The following WDR82 variants were observed in gnomAD, a reference collection of about 807,000 sequenced individuals.
WDR82 encodes the protein WD repeat-containing protein 82.
WDR82 carries 8 observed loss-of-function variants against 36.1 expected under a neutral mutation model. That is an observed-to-expected ratio of 0.22 (90% CI 0.13 to 0.40). The LOEUF is 0.40. Ranked by LOEUF, WDR82 falls within the 10% of genes least tolerant of loss-of-function variation. The pLI, the probability that WDR82 is intolerant of heterozygous loss-of-function variation, is 1.00. For missense variants in WDR82, 185 were observed against 400.5 expected (o/e 0.46, Z 4.59); for synonymous variants, 129 against 137.8 (o/e 0.94, Z 0.45).
rs1700227708 is a variant in WDR82 at position 52,278,423 on chromosome 3, C to G, written c.-62G>C. The G allele has an allele frequency of 8.2e-7, 1 of 1,219,508 alleles. No individual in the cohort carries two copies. Among genetic ancestry groups the G allele is most frequent in the Non-Finnish European group, 1.0e-6 (1 of 977,766 alleles). The allele number at this position is 1,219,508 out of a possible 1,614,324, so 75.5% of individuals were successfully genotyped here. On this transcript the variant is annotated 5_prime_UTR_variant, in exon 1 of 9. Coordinates refer to ENST00000296490, the MANE Select transcript of WDR82 (RefSeq NM_025222.4). ...GGGGCGGGGCCCGGCGGCGAGCGGGCGGGCTGCCGAGGGGCCAACCCAGGC... is the reference window on the plus strand; with the variant it reads ...GGGGCGGGGCCCGGCGGCGAGCGGGGGGGCTGCCGAGGGGCCAACCCAGGC...
In WDR82 at chr3:52,257,488, G is replaced by A; in HGVS notation, c.*2C>T. 6.2e-7 allele frequency: 1 copy of A among 1,613,990 alleles called. No individual in the cohort carries two copies. Among genetic ancestry groups the A allele is most frequent in the South Asian group, 1.1e-5 (1 of 91,072 alleles). ...TACAGAAATAGCCAAGCAGCAACAG[G>A]GTCAGTCATCAATGGTGGGCAACCA... On this transcript the variant is annotated 3_prime_UTR_variant, in exon 9 of 9. Transcript: ENST00000296490.
In WDR82 at chr3:52,278,211, G is replaced by C; in HGVS notation, c.151C>G (p.Gln51Glu). 6.2e-7 allele frequency: 1 copy of C among 1,601,520 alleles called. No homozygotes were observed. Among genetic ancestry groups the C allele is most frequent in the Non-Finnish European group, 8.5e-7 (1 of 1,173,970 alleles). ...DDDSIVLYDC[Q>E]EGKPKRTLYS... ...CTCCGCCGCACTCACTTGCCCTCCT[G>C]GCAGTCATAGAGCACGATGGAGTCG... Residue 51 changes from glutamine to glutamate, a missense_variant, in exon 1 of 9, where the codon CAG becomes GAG. This residue lies in a region of WDR82 where 49 missense variants were observed against 80.6 expected (regional missense o/e 0.61). Transcript: ENST00000296490.
At position 52,254,846 on chromosome 3, in the gene WDR82, C is replaced by A. The variant is rs898690922; in HGVS notation, c.*2644G>T. ...GCAGCCCCAGCCCTCAGCATCTCTTCCACTCGCTTCCAGCTATATCTTTTC... is the reference window on the plus strand; with the variant it reads ...GCAGCCCCAGCCCTCAGCATCTCTTACACTCGCTTCCAGCTATATCTTTTC... On this transcript the variant is annotated 3_prime_UTR_variant, in exon 9 of 9. Transcript: ENST00000296490. The A allele has an allele frequency of 6.6e-6, 1 of 152,378 alleles. No individual in the cohort carries two copies. The highest frequency in any genetic ancestry group is 1.5e-5 in the Non-Finnish European group (1 of 68,162). The allele number at this position is 152,378 out of a possible 1,614,324, so 9.4% of individuals were successfully genotyped here.
chr3:52,270,597 A>G (rs2107340072), intron 2 of WDR82, 115 bp downstream of exon 2: 1 of 797,524 alleles, frequency 1.3e-6, no homozygotes, highest in South Asian at 1.9e-5. Context: ...CATTACTAAC[A>G]TTATATGAAA....
rs1172760123 is a variant in WDR82, at chr3:52,257,298, G to A, written c.*192C>T. The A allele has an allele frequency of 8.7e-6, 6 of 691,244 alleles. No individual in the cohort carries two copies. Among genetic ancestry groups the A allele is most frequent in the Non-Finnish European group, 1.2e-5 (5 of 416,572 alleles). The allele number at this position is 691,244 out of a possible 1,614,324, so 42.8% of individuals were successfully genotyped here. On this transcript the variant is annotated 3_prime_UTR_variant, in exon 9 of 9. Coordinates refer to ENST00000296490, the MANE Select transcript of WDR82 (RefSeq NM_025222.4). ...TCCAATTGAGTCTGTTGCACCAAGAGTCCTTTTGAAGACGCTCATCAAAGT... is the reference window on the plus strand; with the variant it reads ...TCCAATTGAGTCTGTTGCACCAAGAATCCTTTTGAAGACGCTCATCAAAGT...
intron 4 of WDR82, 139 bp downstream of exon 4, chr3:52,261,241 A>C (rs558586422): frequency 2.3e-5 from 16 of 702,528 alleles, no homozygotes; most frequent in Non-Finnish European, 3.7e-5. Flanking sequence ...AACTAAAAAA[A>C]CAGATTTTCT....
In WDR82 at chr3:52,256,384, C is replaced by T. The variant is rs61734626; in HGVS notation, c.*1106G>A. On this transcript the variant is annotated 3_prime_UTR_variant, in exon 9 of 9. Coordinates refer to ENST00000296490, the MANE Select transcript of WDR82 (RefSeq NM_025222.4). ...ACATATATGCGTATCTGTATGCACACAGATGTATTTAAATGAAGGTGCATA... is the reference window on the plus strand; with the variant it reads ...ACATATATGCGTATCTGTATGCACATAGATGTATTTAAATGAAGGTGCATA... 7 of 153,728 alleles carry T rather than the reference C, an allele frequency of 4.6e-5. No homozygotes were observed. Among genetic ancestry groups the T allele is most frequent in the African/African-American group, 1.7e-4 (7 of 41,416 alleles). 9.5% of individuals were successfully genotyped at this position (153,728 alleles called of 1,614,324 possible). A position where few individuals can be genotyped will look rare whatever the true frequency, so the allele number is the denominator to read the frequency against.
chr3:52,259,804 A>G lies in WDR82; in HGVS notation c.612T>C (p.Asn204=), dbSNP rs925964732. The G allele has an allele frequency of 6.2e-6, 10 of 1,614,036 alleles. No homozygotes were observed. The highest frequency in any genetic ancestry group is 4.5e-5 in the East Asian group (2 of 44,900). The change falls in exon 6 of 9, where the codon AAT becomes AAC. Residue 204 remains asparagine (N), a synonymous_variant. Coordinates refer to ENST00000296490, the MANE Select transcript of WDR82 (RefSeq NM_025222.4). ...TCEWTGLKFS[N]DGKLILISTN... ...TGGAAATGAGGATGAGCTTGCCATC[A>G]TTGCTGAATTTAAGTCCTGTCCACT... is the stretch of plus-strand genomic sequence containing the variant.
Position 52,256,082 on chromosome 3 carries a change from A to G in WDR82, c.*1408T>C, listed in dbSNP as rs1700004482. ...CACAGGCACAGACAGAGTACCACCAAGCAAAAAGGGGGCTAATACTGCAGA... is the reference window on the plus strand; with the variant it reads ...CACAGGCACAGACAGAGTACCACCAGGCAAAAAGGGGGCTAATACTGCAGA... On this transcript the variant is annotated 3_prime_UTR_variant, in exon 9 of 9. Coordinates refer to ENST00000296490, the MANE Select transcript of WDR82 (RefSeq NM_025222.4). The G allele has an allele frequency of 6.5e-6, 1 of 153,818 alleles. No homozygotes were observed. The highest frequency in any genetic ancestry group is 2.1e-4 in the South Asian group (1 of 4,832). The allele number at this position is 153,818 out of a possible 1,614,324, so 9.5% of individuals were successfully genotyped here. A position where few individuals can be genotyped will look rare whatever the true frequency, so the allele number is the denominator to read the frequency against.
intron 3 of WDR82, 49 bp from the exon 4 acceptor site, chr3:52,261,528 A>C: frequency 6.5e-7 from 1 of 1,543,676 alleles, no homozygotes; most frequent in Non-Finnish European, 8.9e-7. Flanking sequence ...ATTAGCAAAA[A>C]TTGGATGTGA....
intron 4 of WDR82, among the ~76,000 whole-genome samples, chr3:52,261,059 A>T (rs567511102): frequency 6.6e-6 from 1 of 152,304 alleles, no homozygotes; most frequent in East Asian, 1.9e-4. Context: ...CTGGAGGTGG[A>T]GGTTGCGGTG....
intron 1 of WDR82, among the ~76,000 whole-genome samples, chr3:52,274,911 A>C (rs1700189091): frequency 6.9e-6 from 1 of 144,264 alleles, no homozygotes; most frequent in African/African-American, 2.8e-5. Context: ...AAACAAAACA[A>C]AACAAAACAA....
At chr3:52,270,399 C>T (rs560556311) in intron 2 of WDR82, among the ~76,000 whole-genome samples, 2 of 152,182 alleles carry the variant, frequency 1.3e-5, no homozygotes, top group East Asian at 1.9e-4. Flanking sequence ...ATTATAGGCG[C>T]GAGCCCCTAC....
At chr3:52,267,268 A>G (rs768632150) in intron 2 of WDR82, 14 of 324,116 alleles carry the variant, frequency 4.3e-5, no homozygotes, top group Non-Finnish European at 7.6e-5. Flanking sequence ...TTTATTACCA[A>G]TTTGGTTTCT....
chr3:52,260,004 CTAA>C (rs200014669), intron 5 of WDR82, 132 bp from the exon 6 acceptor site: 50,244 of 1,158,466 alleles, frequency 0.043, 1,304 homozygotes, highest in Non-Finnish European at 0.049. Flanking sequence ...CTGCCACTCT[CTAA>C]TATCTACCAC....
At chr3:52,272,481 T>C (rs936403894) in intron 1 of WDR82, among the ~76,000 whole-genome samples, 3 of 149,274 alleles carry the variant, frequency 2.0e-5, no homozygotes, top group Admixed American at 6.7e-5. Context: ...GAGGCAGAGA[T>C]TGTAGTGAGC....
rs201837227 is a variant in WDR82 at position 52,259,891 on chromosome 3, A to G, written c.544-19T>C. 6.8e-6 allele frequency: 11 copies of G among 1,607,046 alleles called. No homozygotes were observed. The Admixed American group carries it at 1.5e-4, about 22-fold the overall frequency. On this transcript the variant is annotated intron_variant, in intron 5 of 8. Transcript: ENST00000296490. ...ATGGCCCCTGCAAAAGATAAAAAAC[A>G]GTAGCCCCAGGCATATTAATAATTT...
At position 52,256,427 on chromosome 3, in the gene WDR82, A is replaced by C. The variant is rs1292498752; in HGVS notation, c.*1063T>G. ...GGTGCATACACTGTGCTAAAATACA[A>C]ACAACAGAAATCAAAGGTCATATAT... On this transcript the variant is annotated 3_prime_UTR_variant, in exon 9 of 9. Transcript: ENST00000296490. 1 of 153,800 alleles carries C rather than the reference A, an allele frequency of 6.5e-6. No individual in the cohort carries two copies. Among genetic ancestry groups the C allele is most frequent in the Non-Finnish European group, 1.5e-5 (1 of 68,054 alleles). 9.5% of individuals were successfully genotyped at this position (153,800 alleles called of 1,614,324 possible).
Position 52,278,355 on chromosome 3 carries a change from G to C in WDR82, c.7C>G (p.Leu3Val). 2 of 1,559,444 alleles carry C rather than the reference G, an allele frequency of 1.3e-6. No homozygotes were observed. Among genetic ancestry groups the C allele is most frequent in the South Asian group, 2.3e-5 (2 of 85,426 alleles). The change falls in exon 1 of 9, where the codon CTG becomes GTG. Residue 3 changes from leucine to valine, a missense_variant. Physicochemically the swap from Leu to Val is conservative, Grantham distance 32. This residue lies in a region of WDR82 where 49 missense variants were observed against 80.6 expected (regional missense o/e 0.61). Transcript: ENST00000296490. ...AAGCTCCGCAACACGCTGTCGGTCA[G>C]CTTCATGGCGGCGGCTGGGGAAGGC... MK[L>V]TDSVLRSFRV...
Sources: gnomAD v4.1 joint callset for allele counts (sites outside exome capture counted in the v4.1 genomes callset) on GRCh38, gnomAD v4.1.1 for gene constraint, gnomAD v4.1.1 regional missense constraint, MANE v1.5 for transcripts, NCBI Gene and HGNC (gene_info 2026-07-23, HGNC 2026-07-21) for gene names.